The following BFSP2 variants were observed in gnomAD, a reference collection of about 807,000 sequenced individuals.
The protein encoded by BFSP2 is beaded filament structural protein 2, also known as phakinin.
Under a neutral mutation model 44.9 loss-of-function variants are expected in BFSP2, and 38 were observed. The observed-to-expected ratio is 0.85, with a 90% CI of 0.65 to 1.11. The LOEUF is 1.11. BFSP2 is among the 50% of genes least tolerant of loss of function. The probability of loss-of-function intolerance (pLI) is 0.00; values close to 1 mark genes in which losing one functional copy is unlikely to be tolerated. For synonymous variants in BFSP2, 197 were observed against 209.9 expected, an observed-to-expected ratio of 0.94 and a Z score of 0.53; for missense variants, 525 against 533.0, an observed-to-expected ratio of 0.99 and a Z score of 0.15.
At chr3:133,436,093 A>G (rs1468938225) in intron 1 of BFSP2, among the ~76,000 whole-genome samples, 1 of 152,110 alleles carries the variant, frequency 6.6e-6, no homozygotes, top group Non-Finnish European at 1.5e-5. Flanking sequence ...GCTGGGCACG[A>G]TGGCTTATGT....
chr3:133,430,895 C>A (rs1469673497), intron 1 of BFSP2, among the ~76,000 whole-genome samples: 5 of 152,168 alleles, frequency 3.3e-5, no homozygotes, highest in Admixed American at 3.3e-4. Context: ...CCCCTCCTCA[C>A]ACCTGGTCCG....
intron 1 of BFSP2, among the ~76,000 whole-genome samples, chr3:133,438,852 G>A (rs957664895): frequency 6.6e-6 from 1 of 152,162 alleles, no homozygotes; most frequent in African/African-American, 2.4e-5. Flanking sequence ...CTGAAGTGGA[G>A]GGATGGGGGG....
At chr3:133,461,495 G>A (rs186891700) in intron 4 of BFSP2, among the ~76,000 whole-genome samples, 19 of 152,172 alleles carry the variant, frequency 1.2e-4, no homozygotes, top group African/African-American at 4.6e-4. Flanking sequence ...AACTGCACCG[G>A]GCAACAAAAC....
chr3:133,419,655 A>C (rs1041396053), intron 1 of BFSP2, among the ~76,000 whole-genome samples: 4 of 152,212 alleles, frequency 2.6e-5, no homozygotes, highest in East Asian at 3.8e-4. Flanking sequence ...GCACATCTCT[A>C]ACTGGAACTA....
chr3:133,451,721 T>C (rs2073967505), intron 4 of BFSP2, among the ~76,000 whole-genome samples: 1 of 152,252 alleles, frequency 6.6e-6, no homozygotes, highest in Non-Finnish European at 1.5e-5. Context: ...GAGATGTTTT[T>C]TCTTTTTTGT....
chr3:133,448,755 C>T (rs923873282), intron 3 of BFSP2, 110 bp downstream of exon 3: 59 of 1,407,436 alleles, frequency 4.2e-5, no homozygotes, highest in African/African-American at 5.6e-5. Context: ...CTCCACATTG[C>T]GTGCCCAGGA....
At chr3:133,466,486 C>T (rs2074110614) in intron 4 of BFSP2, among the ~76,000 whole-genome samples, 1 of 151,324 alleles carries the variant, frequency 6.6e-6, no homozygotes, top group Non-Finnish European at 1.5e-5. Flanking sequence ...TCAAGACCAG[C>T]CTGACCAACA....
Position 133,469,132 on chromosome 3 carries a change from C to T in BFSP2, c.1023+2173C>T, listed in dbSNP as rs775628179. Among the ~76,000 whole-genome samples, 5 of 152,224 alleles carry T rather than the reference C, an allele frequency of 3.3e-5. No homozygotes were observed. The South Asian group carries it at 6.2e-4, about 19-fold the overall frequency. ...ATTTACACTCTCAACCAGAAAACTT[C>T]AGAGTAGTGCCATTCTGTCTATGCC... On this transcript the variant is annotated intron_variant, in intron 5 of 6. Coordinates refer to ENST00000302334, the MANE Select transcript of BFSP2 (RefSeq NM_003571.4).
intron 4 of BFSP2, among the ~76,000 whole-genome samples, chr3:133,452,031 G>A (rs1190776452): frequency 2.0e-5 from 3 of 152,170 alleles, no homozygotes; most frequent in Non-Finnish European, 2.9e-5. Flanking sequence ...TCCTGGCTAC[G>A]CAGCAGAATT....
intron 5 of BFSP2, among the ~76,000 whole-genome samples, chr3:133,472,141 C>T (rs2074168011): frequency 2.6e-5 from 4 of 152,110 alleles, no homozygotes; most frequent in Admixed American, 2.0e-4. Context: ...TCAGACTAAT[C>T]CACAGTCTGA....
chr3:133,457,182 T>C (rs568657089), intron 4 of BFSP2, among the ~76,000 whole-genome samples: 3 of 152,328 alleles, frequency 2.0e-5, no homozygotes, highest in Admixed American at 6.5e-5. Flanking sequence ...GAGGCTCCTG[T>C]GTGCCAATGA....
chr3:133,469,360 A>G (rs1469371920), intron 5 of BFSP2, among the ~76,000 whole-genome samples: 3 of 152,242 alleles, frequency 2.0e-5, no homozygotes, highest in South Asian at 2.1e-4. Flanking sequence ...AGGCCCCCGC[A>G]GCTTATATAA....
chr3:133,438,575 C>T (rs577294506), intron 1 of BFSP2, among the ~76,000 whole-genome samples: 1 of 152,156 alleles, frequency 6.6e-6, no homozygotes, highest in Non-Finnish European at 1.5e-5. Flanking sequence ...GGTGAAAGTG[C>T]TGACAGCAGG....
In BFSP2 at chr3:133,472,702, G is replaced by A. The variant is rs2074176479; in HGVS notation, c.1244+137G>A. The A allele has an allele frequency of 6.2e-6, 6 of 965,458 alleles. No homozygotes were observed. In the South Asian group the frequency reaches 8.6e-5, roughly 14 times the overall value. 59.8% of individuals were successfully genotyped at this position (965,458 alleles called of 1,614,324 possible). On this transcript the variant is annotated intron_variant, in intron 6 of 6. Transcript: ENST00000302334. ...TCTCACATAGGCACCCATTCCCACAGCCTAGCTGTGTCCTTCCTTTCCTAT... is the reference window on the plus strand; with the variant it reads ...TCTCACATAGGCACCCATTCCCACAACCTAGCTGTGTCCTTCCTTTCCTAT...
Position 133,400,625 on chromosome 3 carries a change from G to A in BFSP2, c.489+53G>A, listed in dbSNP as rs1471282156. 45 of 1,554,426 alleles carry A rather than the reference G, an allele frequency of 2.9e-5. No individual in the cohort carries two copies. Among genetic ancestry groups the A allele is most frequent in the Middle Eastern group, 2.0e-4 (1 of 5,070 alleles). ...TTGCAGAGGGCTGGGAGGGGCTGCT[G>A]AAGGCAGCGGGTAGGGTTGTGAGTA... On this transcript the variant is annotated intron_variant, in intron 1 of 6. Coordinates refer to ENST00000302334, the MANE Select transcript of BFSP2 (RefSeq NM_003571.4). This position sits in a 1 kb window ranked among gnomAD's most constrained non-coding sequence, Gnocchi z 4.0.
rs552888857 is a variant in BFSP2, at chr3:133,419,834, A to G, written c.489+19262A>G. Among the ~76,000 whole-genome samples the G allele has an allele frequency of 3.3e-5, 5 of 152,356 alleles. No homozygotes were observed. The East Asian group carries it at 9.6e-4, about 29-fold the overall frequency. The stretch of plus-strand genomic sequence containing the variant: ...TAATACTCAGAAAAATGTGCTGAGC[A>G]GTCAGCACTCAAGGCAGAATGACTT... On this transcript the variant is annotated intron_variant, in intron 1 of 6. Transcript: ENST00000302334.
At chr3:133,446,624 A>G (rs1211586147) in intron 1 of BFSP2, among the ~76,000 whole-genome samples, 1 of 62,800 alleles carries the variant, frequency 1.6e-5, no homozygotes, top group Admixed American at 1.7e-4. Context: ...ATATATATAT[A>G]TATATATATA....
chr3:133,444,638 A>T (rs1399419068), intron 1 of BFSP2, among the ~76,000 whole-genome samples: 1 of 152,190 alleles, frequency 6.6e-6, no homozygotes, highest in Admixed American at 6.5e-5. Flanking sequence ...TCTACAGCTC[A>T]GGATGAAACG....
chr3:133,428,226 C>G (rs2370245), intron 1 of BFSP2, among the ~76,000 whole-genome samples: 28,372 of 151,944 alleles, frequency 0.19, 4,017 homozygotes, highest in African/African-American at 0.4. Context: ...TCTTGTGGGC[C>G]ACGTAGTATG....
Sources: gnomAD v4.1 joint callset for allele counts (sites outside exome capture counted in the v4.1 genomes callset) on GRCh38, gnomAD v4.1.1 for gene constraint, Gnocchi (gnomAD v3.1) non-coding constraint, MANE v1.5 for transcripts, NCBI Gene and HGNC (gene_info 2026-07-23, HGNC 2026-07-21) for gene names.